The following PAICS variants were observed in gnomAD, a reference collection of about 807,000 sequenced individuals.
PAICS encodes phosphoribosylaminoimidazole carboxylase and phosphoribosylaminoimidazolesuccinocarboxamide synthase, also known as bifunctional phosphoribosylaminoimidazole carboxylase/phosphoribosylaminoimidazole succinocarboxamide synthetase.
PAICS carries 33 observed loss-of-function variants against 53.7 expected under a neutral mutation model. The observed-to-expected ratio is 0.61, with a 90% CI of 0.47 to 0.82. The LOEUF (loss-of-function observed/expected upper bound fraction) is 0.82, where lower values mean the gene tolerates loss of function less well. PAICS is among the 40% of genes least tolerant of loss of function. PAICS has a pLI of 0.00. For missense variants in PAICS, 394 were observed against 494.1 expected (o/e 0.80, Z 1.92); for synonymous variants, 141 against 167.2 (o/e 0.84, Z 1.21).
upstream of PAICS, among the ~76,000 whole-genome samples, chr4:56,433,854 C>G (rs1717744360): frequency 6.6e-6 from 1 of 152,150 alleles, no homozygotes; most frequent in Non-Finnish European, 1.5e-5. Context: ...ATCACCACAC[C>G]CAGCTAATTG....
chr4:56,455,396 CT>C (rs1450021729), intron 8 of PAICS, among the ~76,000 whole-genome samples: 2 of 152,124 alleles, frequency 1.3e-5, no homozygotes, highest in African/African-American at 4.8e-5. Context: ...TCTTTGAGCC[CT>C]CCAACCTGGT....
At chr4:56,427,249 C>T in the PAICS span, among the ~76,000 whole-genome samples, 7 of 152,120 alleles carry the variant, frequency 4.6e-5, no homozygotes, top group Admixed American at 1.3e-4. Flanking sequence ...TACCCAGAAG[C>T]GAAATTGTTG....
At chr4:56,433,406 A>G (rs1447951290), upstream of PAICS, among the ~76,000 whole-genome samples, 25 of 149,598 alleles carry the variant, frequency 1.7e-4, no homozygotes, top group African/African-American at 5.8e-4. Flanking sequence ...TTAAAAAAAA[A>G]AAAAAAGAAA....
rs150436855 is a variant in PAICS at position 56,448,227 on chromosome 4, G to A, written c.394-191G>A. Among the ~76,000 whole-genome samples the A allele has an allele frequency of 9.9e-4, 150 of 151,924 alleles. 1 individual carries two copies. Among genetic ancestry groups the A allele is most frequent in the Middle Eastern group, 6.8e-3 (2 of 294 alleles). On this transcript the variant is annotated intron_variant, in intron 3 of 8. Transcript: ENST00000512576. ...TCACTGTGTTGGCCAGGCTGGTCTC[G>A]AACTCCTGATCTTGTGATCCGCCCA...
rs552827578 is a variant in PAICS at position 56,461,057 on chromosome 4, T to C, written c.*1519T>C. Reference sequence around the variant, plus strand: ...TTGGACTGCCACACATTGGTACCTTTAGTTCTCTGAAGGCCCACGTTTTTA... The same window carrying C: ...TTGGACTGCCACACATTGGTACCTTCAGTTCTCTGAAGGCCCACGTTTTTA... On this transcript the variant is annotated 3_prime_UTR_variant, in exon 9 of 9. Transcript: ENST00000512576. 1 of 152,336 alleles carries C rather than the reference T, an allele frequency of 6.6e-6. No individual in the cohort carries two copies. The highest frequency in any genetic ancestry group is 2.4e-5 in the African/African-American group (1 of 41,574). The allele number at this position is 152,336 out of a possible 1,614,324, so 9.4% of individuals were successfully genotyped here.
the PAICS span, among the ~76,000 whole-genome samples, chr4:56,424,187 C>A: frequency 6.6e-6 from 1 of 152,180 alleles, no homozygotes; most frequent in Non-Finnish European, 1.5e-5. Context: ...TCTTTCCTAT[C>A]TTAAATGTAT....
upstream of PAICS, chr4:56,431,408 ACT>A (rs751538264): frequency 1.9e-5 from 19 of 978,278 alleles, no homozygotes; most frequent in Non-Finnish European, 2.2e-5. Context: ...AATGTTCTGT[ACT>A]CTGTTTGCAG....
In PAICS at chr4:56,462,780, C is replaced by T. The variant is rs1719560288; in HGVS notation, c.*3242C>T. On this transcript the variant is annotated 3_prime_UTR_variant, in exon 9 of 9. Coordinates refer to ENST00000512576, the MANE Select transcript of PAICS (RefSeq NM_001079524.2). ...CTTTGGGTGGCCGAGGCAGGTGGAT[C>T]ACCTGAGATCAGGAGTTCGAGACCA... The T allele has an allele frequency of 6.6e-6, 1 of 152,120 alleles. No individual in the cohort carries two copies. The highest frequency in any genetic ancestry group is 2.4e-5 in the African/African-American group (1 of 41,384). 9.4% of individuals were successfully genotyped at this position (152,120 alleles called of 1,614,324 possible).
upstream of PAICS, among the ~76,000 whole-genome samples, chr4:56,432,421 G>A (rs1237987190): frequency 6.6e-6 from 1 of 151,360 alleles, no homozygotes; most frequent in Non-Finnish European, 1.5e-5. Flanking sequence ...CCAGCTACTC[G>A]GGAGACAGGT....
At chr4:56,435,692 A>C, upstream of PAICS, 1 of 1,454,456 alleles carries the variant, frequency 6.9e-7, no homozygotes, top group Non-Finnish European at 9.1e-7. Context: ...CCAACGAGCG[A>C]GGGCGGAGGG....
upstream of PAICS, among the ~76,000 whole-genome samples, chr4:56,434,438 A>G (rs1717785350): frequency 6.6e-6 from 1 of 152,224 alleles, no homozygotes; most frequent in Non-Finnish European, 1.5e-5. Context: ...AAGAATATCA[A>G]ACCCAGGTTT....
intron 8 of PAICS, among the ~76,000 whole-genome samples, 161 bp from the exon 9 acceptor site, chr4:56,459,211 G>A (rs991060825): frequency 5.3e-5 from 8 of 152,102 alleles, no homozygotes; most frequent in African/African-American, 1.7e-4. Flanking sequence ...TTACCACTCC[G>A]GTATTAAAGA....
chr4:56,437,256 G>GGTT (rs1553941062), intron 1 of PAICS, among the ~76,000 whole-genome samples: 28 of 124,308 alleles, frequency 2.3e-4, no homozygotes, highest in African/African-American at 8.2e-4. Context: ...ATGCCATGAT[G>GGTT]GTGTGTGTGT....
upstream of PAICS, among the ~76,000 whole-genome samples, chr4:56,435,099 G>T (rs1251540754): frequency 1.3e-5 from 2 of 152,204 alleles, no homozygotes; most frequent in Non-Finnish European, 2.9e-5. Context: ...ACACACCGGG[G>T]GGCGGGGAGG....
chr4:56,446,358 T>C (rs1560660019), intron 2 of PAICS: 1 of 717,884 alleles, frequency 1.4e-6, no homozygotes, highest in East Asian at 2.7e-5. Flanking sequence ...CTATTCTAGT[T>C]ACCTCATATA....
chr4:56,412,471 G>A, the PAICS span, among the ~76,000 whole-genome samples: 1 of 152,078 alleles, frequency 6.6e-6, no homozygotes, highest in Non-Finnish European at 1.5e-5. Flanking sequence ...CACCATGCCT[G>A]GCTAATTTTT....
chr4:56,410,615 CTAAGAAATAAAGGAA>C, the PAICS span: 1 of 985,634 alleles, frequency 1.0e-6, no homozygotes, highest in Non-Finnish European at 1.2e-6. Context: ...TTATGGAACA[CTAAGAAATAAAGGAA>C]TATTTATTTA....
chr4:56,456,729 A>G (rs1233905733), intron 8 of PAICS, among the ~76,000 whole-genome samples: 52 of 145,486 alleles, frequency 3.6e-4, no homozygotes, highest in Non-Finnish European at 1.1e-4. Context: ...TTTTTACACA[A>G]TGTTTTTATA....
chr4:56,439,687 C>G (rs913741593), intron 1 of PAICS, among the ~76,000 whole-genome samples: 1 of 152,104 alleles, frequency 6.6e-6, no homozygotes, highest in Non-Finnish European at 1.5e-5. Flanking sequence ...CAGGGTCTCA[C>G]TCTATCACCC....
Sources: allele counts gnomAD v4.1 joint callset (sites outside exome capture counted in the v4.1 genomes callset), GRCh38; gene constraint gnomAD v4.1.1; transcripts MANE v1.5; gene names NCBI Gene and HGNC (gene_info 2026-07-23, HGNC 2026-07-21).